MUC4: variants seen among roughly 807,000 people sequenced by gnomAD.
MUC4 encodes the protein mucin-4.
MUC4 carries 202 observed loss-of-function variants against 257.9 expected under a neutral mutation model. The observed-to-expected ratio is 0.78, with a 90% confidence interval of 0.70 to 0.88. MUC4 has a LOEUF of 0.88. MUC4 is among the 40% of genes least tolerant of loss of function. The pLI is 0.00. For synonymous variants in MUC4, 2,351 were observed against 2,757.1 expected, an observed-to-expected ratio of 0.85 and a Z score of 4.62; for missense variants, 5,976 against 6,513.7, an observed-to-expected ratio of 0.92 and a Z score of 2.84.
chr3:195,765,192 C>T, intron 9 of MUC4, 70 bp from the exon 10 acceptor site: 1 of 1,582,890 alleles, frequency 6.3e-7, no homozygotes, highest in Admixed American at 1.7e-5. Flanking sequence ...CAAGCAGGGG[C>T]TGTTTCTGGG....
intron 7 of MUC4, among the ~76,000 whole-genome samples, chr3:195,767,610 T>TTACCATC (rs1560262492): frequency 2.0e-4 from 2 of 9,892 alleles, no homozygotes; most frequent in Non-Finnish European, 4.9e-4. Context: ...TCATCACCAT[T>TTACCATC]GCCACCACCA....
At position 195,774,185 on chromosome 3, in the gene MUC4, C is replaced by A. The variant is rs762161806; in HGVS notation, c.13064G>T (p.Arg4355Leu). 1.2e-6 allele frequency: 2 copies of A among 1,607,622 alleles called. No individual in the cohort carries two copies. The highest frequency in any genetic ancestry group is 2.7e-5 in the African/African-American group (2 of 74,384). The change falls in exon 4 of 25, where the codon CGT becomes CTT. Residue 4355 changes from arginine (R) to leucine (L), a missense_variant. Arg to Leu is a moderately radical substitution (Grantham distance 102). This residue lies in a region of MUC4 where 233 missense variants were observed against 171.2 expected (regional missense o/e 1.36). Coordinates refer to ENST00000463781, the MANE Select transcript of MUC4 (RefSeq NM_018406.7). ...ATGFPLGSSL[R>L]DSLYFTDNGQ... ...GCCCGGACTCACGTAGAGGGAATCA[C>A]GGAGAGAGGAGCCAAGGGGGAAGCC...
At chr3:195,766,849 G>T (rs1322310655) in intron 7 of MUC4, 98 bp from the exon 8 acceptor site, 6 of 1,099,806 alleles carry the variant, frequency 5.5e-6, no homozygotes, top group Non-Finnish European at 8.2e-6. Context: ...TCAGCAGCTG[G>T]TCAACCAGCT....
At chr3:195,758,849 G>C (rs1360272766) in intron 17 of MUC4, among the ~76,000 whole-genome samples, 1 of 151,690 alleles carries the variant, frequency 6.6e-6, no homozygotes, top group Non-Finnish European at 1.5e-5. Flanking sequence ...GGGATGACAG[G>C]CATGAGCCAC....
At position 195,790,207 on chromosome 3, in the gene MUC4, C is replaced by T. The variant is rs1369385616; in HGVS notation, c.1373G>A (p.Gly458Asp). 1.9e-6 allele frequency: 3 copies of T among 1,614,008 alleles called. No homozygotes were observed. The highest frequency in any genetic ancestry group is 2.5e-6 in the Non-Finnish European group (3 of 1,179,894). ...STAFHTQQSEGAETTGRPHER... is the reference protein window; with the variant it reads ...STAFHTQQSEDAETTGRPHER... ...ATGAGGCCGTCCTGTGGTCTCTGCA[C>T]CTTCACTCTGCTGGGTGTGGAAAGC... Residue 458 changes from glycine to aspartate, a missense_variant, in exon 2 of 25, where the codon GGT becomes GAT. Gly to Asp is a moderately conservative substitution (Grantham distance 94). Around this residue, in one of 44 missense-constraint regions of MUC4, gnomAD observed 1,583 missense variants for 1,257.4 expected, o/e 1.26. Transcript: ENST00000463781.
chr3:195,778,750 G>A lies in MUC4; in HGVS notation c.12790+40C>T, dbSNP rs778205373. 14 of 1,559,866 alleles carry A rather than the reference G, an allele frequency of 9.0e-6. No individual in the cohort carries two copies. The Admixed American group carries it at 1.6e-4, about 18-fold the overall frequency. ...TCCTTAGGCTGAATTCCGCCAAGGGGCCCACTGGGAGACATAAAGGCGAGG... is the reference window on the plus strand; with the variant it reads ...TCCTTAGGCTGAATTCCGCCAAGGGACCCACTGGGAGACATAAAGGCGAGG... On this transcript the variant is annotated intron_variant, in intron 2 of 24. Coordinates refer to ENST00000463781, the MANE Select transcript of MUC4 (RefSeq NM_018406.7).
At chr3:195,753,662 C>T (rs1716926684) in intron 19 of MUC4, 1 of 229,270 alleles carries the variant, frequency 4.4e-6, no homozygotes, top group Non-Finnish European at 8.3e-6. Flanking sequence ...GTAAAGGCCT[C>T]GCTGTGATCT....
At chr3:195,804,208 C>T (rs1162194883) in intron 1 of MUC4, among the ~76,000 whole-genome samples, 2 of 152,236 alleles carry the variant, frequency 1.3e-5, no homozygotes, top group Non-Finnish European at 2.9e-5. Context: ...ATCACGTCAG[C>T]CAGAGATCTC....
rs867800412 is a variant in MUC4, at chr3:195,748,810, G to C, written c.16034+92C>G. The C allele has an allele frequency of 7.8e-6, 11 of 1,415,242 alleles. No homozygotes were observed. The African/African-American group carries it at 1.6e-4, about 21-fold the overall frequency. 87.7% of individuals were successfully genotyped at this position (1,415,242 alleles called of 1,614,324 possible). A position where few individuals can be genotyped will look rare whatever the true frequency, so the allele number is the denominator to read the frequency against. ...TCTCTTCCCTGGTCTCTGATCTCTC[G>C]AGCCATCCTAATTCCTGGACCCCTT... is the stretch of plus-strand genomic sequence containing the variant. On this transcript the variant is annotated intron_variant, in intron 24 of 24. Transcript: ENST00000463781.
chr3:195,779,510 A>C lies in MUC4; in HGVS notation c.12070T>G (p.Ser4024Ala), dbSNP rs1242324351. Residue 4024 changes from serine (S) to alanine (A), a missense_variant, in exon 2 of 25, where the codon TCA becomes GCA. Coordinates refer to ENST00000463781, the MANE Select transcript of MUC4 (RefSeq NM_018406.7). ...ATPLPVTSPSSASTGHATPVP... is the reference protein window; with the variant it reads ...ATPLPVTSPSAASTGHATPVP... ...GGGGTGGCGTGACCTGTGGATGCTG[A>C]GGAAGGGCTGGTGACAGGAAGAGGG... is the stretch of plus-strand genomic sequence containing the variant. 2 of 1,265,122 alleles carry C rather than the reference A, an allele frequency of 1.6e-6. No homozygotes were observed. The highest frequency in any genetic ancestry group is 1.8e-5 in the African/African-American group (1 of 56,594). The allele number at this position is 1,265,122 out of a possible 1,614,324, so 78.4% of individuals were successfully genotyped here.
intron 24 of MUC4, among the ~76,000 whole-genome samples, chr3:195,747,842 C>T (rs1414155000): frequency 1.8e-4 from 27 of 152,404 alleles, no homozygotes; most frequent in African/African-American, 6.5e-4. Flanking sequence ...GCCTGGGGGA[C>T]AGAGCAAGAC....
rs1244605030 is a variant in MUC4 at position 195,765,025 on chromosome 3, G to T, written c.13896C>A (p.Gly4632=). 6.2e-7 allele frequency: 1 copy of T among 1,613,956 alleles called. No individual in the cohort carries two copies. Among genetic ancestry groups the T allele is most frequent in the Non-Finnish European group, 8.5e-7 (1 of 1,180,004 alleles). ...ACTGCCAAGGACGCTGCACGTGCCAGCCTTCACGAAACTCTCCCCAGGGCC... is the reference window on the plus strand; with the variant it reads ...ACTGCCAAGGACGCTGCACGTGCCATCCTTCACGAAACTCTCCCCAGGGCC... ...SYGPWGEFRE[G]WHVQRPWQLA... Residue 4632 remains glycine (G), a synonymous_variant, in exon 10 of 25, where the codon GGC becomes GGA. Transcript: ENST00000463781.
intron 24 of MUC4, among the ~76,000 whole-genome samples, chr3:195,748,435 A>G (rs2641724): frequency 0.82 from 124,749 of 152,156 alleles, 49,241 homozygotes; most frequent in African/African-American, 0.87. Context: ...GTGGTGGTGC[A>G]TGCCTGTAGT....
At position 195,811,841 on chromosome 3, in the gene MUC4, C is replaced by T; in HGVS notation, c.-24G>A. 6.2e-7 allele frequency: 1 copy of T among 1,610,128 alleles called. No homozygotes were observed. On this transcript the variant is annotated 5_prime_UTR_variant, in exon 1 of 25. Coordinates refer to ENST00000463781, the MANE Select transcript of MUC4 (RefSeq NM_018406.7). ...ATGGCTGCGGCAAAAGTCCCCCTGG[C>T]TCCCTGGGGAAGCTCCACGGCCCAG...
At chr3:195,772,912 G>T (rs1351930176) in intron 4 of MUC4, among the ~76,000 whole-genome samples, 9 of 133,590 alleles carry the variant, frequency 6.7e-5, no homozygotes, top group Admixed American at 6.1e-4. Context: ...TCGCTCAGGG[G>T]TGTAGACACC....
chr3:195,778,466 GA>G lies in MUC4; in HGVS notation c.12791-12del, dbSNP rs769356358. On this transcript the variant is annotated splice_polypyrimidine_tract_variant and intron_variant, in intron 2 of 24. Coordinates refer to ENST00000463781, the MANE Select transcript of MUC4 (RefSeq NM_018406.7). ...ACGGTGTTGTCATTCCTGGACACGT[GA>G]AAAGACAAGGCGGGGTGTTTCTTAC... is the stretch of plus-strand genomic sequence containing the variant. 11 of 1,610,928 alleles carry G rather than the reference GA, an allele frequency of 6.8e-6. No individual in the cohort carries two copies. The highest frequency in any genetic ancestry group is 9.3e-6 in the Non-Finnish European group (11 of 1,179,350).
chr3:195,767,630 TCACCAC>T (rs1240458054), intron 7 of MUC4, among the ~76,000 whole-genome samples: 1 of 26,668 alleles, frequency 3.7e-5, no homozygotes, highest in Non-Finnish European at 8.5e-5. Flanking sequence ...ATCACCACCA[TCACCAC>T]CACCATCGCC....
intron 5 of MUC4, chr3:195,770,595 G>C (rs1722584802): frequency 1.7e-6 from 1 of 587,600 alleles, no homozygotes; most frequent in Non-Finnish European, 3.0e-6. Flanking sequence ...TCGTGGCCCA[G>C]ACGTCCAAGA....
intron 7 of MUC4, among the ~76,000 whole-genome samples, chr3:195,767,831 A>G: frequency 8.6e-6 from 1 of 116,694 alleles, no homozygotes; most frequent in Admixed American, 8.0e-5. Context: ...CACCACCACC[A>G]TCACCACCAC....
Sources: allele counts gnomAD v4.1 joint callset (sites outside exome capture counted in the v4.1 genomes callset), GRCh38; gene constraint gnomAD v4.1.1; regional missense constraint gnomAD v4.1.1; transcripts MANE v1.5; gene names NCBI Gene and HGNC (gene_info 2026-07-23, HGNC 2026-07-21).